The following TAFA1 variants were observed in gnomAD, a reference collection of about 807,000 sequenced individuals.
TAFA1 encodes chemokine-like protein TAFA-1.
In TAFA1, 4 loss-of-function variants were observed where a neutral mutation model predicts 18.5. The ratio of observed to expected loss-of-function variants is 0.22; its 90% confidence interval spans 0.11 to 0.49. The LOEUF is 0.49. Ranked by LOEUF, TAFA1 falls within the 20% of genes least tolerant of loss-of-function variation. TAFA1 has a pLI of 0.98. For synonymous variants in TAFA1, 56 were observed against 55.2 expected, an observed-to-expected ratio of 1.01 and a Z score of -0.06; for missense variants, 147 against 169.0, an observed-to-expected ratio of 0.87 and a Z score of 0.72.
At chr3:68,069,760 A>G (rs911883852) in intron 2 of TAFA1, among the ~76,000 whole-genome samples, 8 of 152,374 alleles carry the variant, frequency 5.3e-5, no homozygotes, top group African/African-American at 1.7e-4. Context: ...TCTAAATGGT[A>G]GTAATTGGCC....
At chr3:68,517,927 A>AACACACACAC (rs5849854) in intron 3 of TAFA1, among the ~76,000 whole-genome samples, 9 of 150,594 alleles carry the variant, frequency 6.0e-5, no homozygotes, top group Admixed American at 1.3e-4. Flanking sequence ...CTTGCTGATA[A>AACACACACAC]ACACACACAC....
chr3:68,307,541 C>T (rs1470763396), intron 2 of TAFA1, among the ~76,000 whole-genome samples: 1 of 152,138 alleles, frequency 6.6e-6, no homozygotes, highest in Non-Finnish European at 1.5e-5. Context: ...TTTTTTCAAA[C>T]TTACTGTATA....
intron 2 of TAFA1, among the ~76,000 whole-genome samples, chr3:68,015,356 G>A (rs974435578): frequency 4.7e-5 from 7 of 149,548 alleles, no homozygotes; most frequent in Admixed American, 1.3e-4. Context: ...GCATGCTCTC[G>A]GCTCACTGCA....
intron 2 of TAFA1, among the ~76,000 whole-genome samples, chr3:68,234,005 A>G (rs927522802): frequency 2.6e-5 from 4 of 152,238 alleles, no homozygotes; most frequent in African/African-American, 9.6e-5. Context: ...AGTTCAAGCC[A>G]GGAGATCCCT....
At chr3:68,015,389 C>T (rs922111942) in intron 2 of TAFA1, among the ~76,000 whole-genome samples, 10 of 151,512 alleles carry the variant, frequency 6.6e-5, no homozygotes, top group African/African-American at 1.9e-4. Flanking sequence ...CAGGTTCAAG[C>T]GATTCTCCTG....
intron 3 of TAFA1, among the ~76,000 whole-genome samples, chr3:68,468,603 C>T (rs1419469164): frequency 1.3e-5 from 2 of 152,166 alleles, no homozygotes; most frequent in Admixed American, 1.3e-4. Flanking sequence ...ACTTGTTACC[C>T]CTTCCTGTCA....
intron 2 of TAFA1, among the ~76,000 whole-genome samples, chr3:68,188,385 C>A (rs1418058829): frequency 1.3e-5 from 2 of 151,360 alleles, no homozygotes; most frequent in Admixed American, 1.3e-4. Flanking sequence ...ATCTATTCTG[C>A]ATGTCTTAAA....
intron 2 of TAFA1, among the ~76,000 whole-genome samples, chr3:68,047,540 C>T (rs767864171): frequency 6.6e-6 from 1 of 152,048 alleles, no homozygotes; most frequent in African/African-American, 2.4e-5. Context: ...TTGGAAATGC[C>T]ACATAATTTC....
the TAFA1 span, among the ~76,000 whole-genome samples, chr3:67,997,394 T>G: frequency 2.0e-5 from 3 of 152,154 alleles, no homozygotes; most frequent in African/African-American, 7.2e-5. Flanking sequence ...TGAAATAGAC[T>G]CAAGCAGTTT....
At chr3:68,082,673 A>T (rs2064920083) in intron 2 of TAFA1, among the ~76,000 whole-genome samples, 1 of 152,144 alleles carries the variant, frequency 6.6e-6, no homozygotes, top group Non-Finnish European at 1.5e-5. Context: ...GATGATGATG[A>T]GTTTAGTTTT....
At chr3:68,329,533 G>A (rs1247086941) in intron 2 of TAFA1, among the ~76,000 whole-genome samples, 1 of 152,076 alleles carries the variant, frequency 6.6e-6, no homozygotes, top group African/African-American at 2.4e-5. Flanking sequence ...GATTGGCTTC[G>A]AAGTTCAGAG....
rs181670653 is a variant in TAFA1 at position 68,037,109 on chromosome 3, T to C, written c.118+30365T>C. On this transcript the variant is annotated intron_variant, in intron 2 of 4. Coordinates refer to ENST00000478136, the MANE Select transcript of TAFA1 (RefSeq NM_213609.4). The stretch of plus-strand genomic sequence containing the variant: ...AGGTCAGGGAAGAATGTAGAAATAA[T>C]GGTAGCTGTGCTAAGTCTTGAAGAA... 2.8e-4 allele frequency among the ~76,000 whole-genome samples: 43 copies of C among 152,150 alleles called. 2 individuals carry two copies. The highest frequency in any genetic ancestry group is 2.6e-3 in the Admixed American group (40 of 15,264).
intron 2 of TAFA1, among the ~76,000 whole-genome samples, chr3:68,259,248 C>T (rs2067360066): frequency 6.6e-6 from 1 of 152,128 alleles, no homozygotes; most frequent in Admixed American, 6.6e-5. Context: ...CTTTACTTTC[C>T]TTTTCAATTT....
the TAFA1 span, among the ~76,000 whole-genome samples, chr3:67,992,846 A>G: frequency 6.6e-6 from 1 of 152,140 alleles, no homozygotes; most frequent in East Asian, 1.9e-4. Flanking sequence ...CTCAAAGATA[A>G]AAGTAGCCAC....
At chr3:68,028,182 C>A (rs1704856812) in intron 2 of TAFA1, among the ~76,000 whole-genome samples, 1 of 152,036 alleles carries the variant, frequency 6.6e-6, no homozygotes, top group African/African-American at 2.4e-5. Context: ...TGCCTGTAAT[C>A]CCAGCTACCC....
intron 2 of TAFA1, among the ~76,000 whole-genome samples, chr3:68,218,972 T>A (rs1337456571): frequency 6.6e-6 from 1 of 151,984 alleles, no homozygotes; most frequent in Non-Finnish European, 1.5e-5. Context: ...TGCTGAAGGA[T>A]TTCTAAATAG....
intron 2 of TAFA1, among the ~76,000 whole-genome samples, chr3:68,409,090 T>G (rs559268930): frequency 2.0e-5 from 3 of 152,134 alleles, no homozygotes; most frequent in Non-Finnish European, 4.4e-5. Context: ...TAACTCACAG[T>G]ATGGTTCAGG....
intron 2 of TAFA1, among the ~76,000 whole-genome samples, chr3:68,382,970 A>G (rs1284936526): frequency 6.6e-6 from 1 of 151,954 alleles, no homozygotes; most frequent in Non-Finnish European, 1.5e-5. Flanking sequence ...GGCTGTTGTG[A>G]ATGTGATTGT....
At chr3:68,203,503 A>C (rs2066491076) in intron 2 of TAFA1, among the ~76,000 whole-genome samples, 1 of 151,728 alleles carries the variant, frequency 6.6e-6, no homozygotes, top group African/African-American at 2.4e-5. Flanking sequence ...GTACTGGGTA[A>C]AAGGAACTGC....
Sources: gnomAD v4.1 joint callset for allele counts (sites outside exome capture counted in the v4.1 genomes callset) on GRCh38, gnomAD v4.1.1 for gene constraint, MANE v1.5 for transcripts, NCBI Gene and HGNC (gene_info 2026-07-23, HGNC 2026-07-21) for gene names.